The following DNAJC3 variants were observed in gnomAD, a reference collection of about 807,000 sequenced individuals.
DNAJC3 encodes DnaJ heat shock protein family (Hsp40) member C3.
A neutral mutation model predicts 68.6 loss-of-function variants in DNAJC3; 38 were observed. The ratio of observed to expected loss-of-function variants is 0.55; its 90% confidence interval spans 0.43 to 0.73. DNAJC3 has a LOEUF of 0.73. DNAJC3 is among the 30% of genes least tolerant of loss of function. DNAJC3 has a pLI of 0.00. For synonymous variants in DNAJC3, 203 were observed against 204.0 expected, an observed-to-expected ratio of 1.00 and a Z score of 0.04; for missense variants, 526 against 591.9, an observed-to-expected ratio of 0.89 and a Z score of 1.16.
chr13:95,734,140 T>A (rs567565458), intron 4 of DNAJC3, among the ~76,000 whole-genome samples: 1 of 152,356 alleles, frequency 6.6e-6, no homozygotes, highest in South Asian at 2.1e-4. Context: ...GTGAGTTTTA[T>A]ACGGTGTGTT....
rs142933580 is a variant in DNAJC3, at chr13:95,779,119, C to CTTT, written c.1076-6799_1076-6797dup. 2.1e-3 allele frequency among the ~76,000 whole-genome samples: 205 copies of CTTT among 97,848 alleles called. 1 individual carries two copies. The highest frequency in any genetic ancestry group is 3.7e-3 in the African/African-American group (83 of 22,592). The allele number at this position is 97,848 out of a possible 152,430, so 64.2% of individuals were successfully genotyped here. A position where few individuals can be genotyped will look rare whatever the true frequency, so the allele number is the denominator to read the frequency against. Reference sequence around the variant, plus strand: ...TATAATCTTTGATATTTTCTTCTTTCTTTTTTTTTTTTTTTTTTTTTTTGA... The same window carrying CTTT: ...TATAATCTTTGATATTTTCTTCTTTCTTTTTTTTTTTTTTTTTTTTTTTTTTGA... On this transcript the variant is annotated intron_variant, in intron 9 of 11. Transcript: ENST00000602402.
intron 1 of DNAJC3, among the ~76,000 whole-genome samples, chr13:95,688,678 A>G (rs1880134048): frequency 6.6e-6 from 1 of 151,814 alleles, no homozygotes; most frequent in African/African-American, 2.4e-5. Context: ...ATGCCTGGCT[A>G]CTTTTTTGCA....
intron 9 of DNAJC3, among the ~76,000 whole-genome samples, chr13:95,785,554 G>A (rs1452759923): frequency 7.4e-6 from 1 of 135,978 alleles, no homozygotes; most frequent in East Asian, 2.3e-4. Context: ...CGCCTCCCAA[G>A]TTCAAGCGGT....
At chr13:95,698,193 T>C (rs960136513) in intron 1 of DNAJC3, among the ~76,000 whole-genome samples, 3 of 152,140 alleles carry the variant, frequency 2.0e-5, no homozygotes, top group South Asian at 4.1e-4. Flanking sequence ...TTGTGTACTT[T>C]TGTTGGCAGG....
intron 1 of DNAJC3, chr13:95,692,429 A>G (rs1880297600): frequency 1.3e-5 from 2 of 152,138 alleles, no homozygotes. Context: ...GTCTAGTAGT[A>G]GGAGTTTTAT....
intron 5 of DNAJC3, among the ~76,000 whole-genome samples, chr13:95,759,103 T>TA (rs1594010558): frequency 6.6e-6 from 1 of 152,222 alleles, no homozygotes; most frequent in East Asian, 1.9e-4. Context: ...TATGCAAAGA[T>TA]ACTTCCACCA....
At chr13:95,688,272 C>G (rs1413244389) in intron 1 of DNAJC3, among the ~76,000 whole-genome samples, 3 of 152,092 alleles carry the variant, frequency 2.0e-5, no homozygotes, top group Non-Finnish European at 4.4e-5. Flanking sequence ...TTATTTCTTT[C>G]TCTTGCCTGA....
At chr13:95,693,428 A>T (rs1484610937) in intron 1 of DNAJC3, 1 of 152,132 alleles carries the variant, frequency 6.6e-6, no homozygotes, top group African/African-American at 2.4e-5. Context: ...TTCTAATAGG[A>T]CAACCCCACT....
intron 4 of DNAJC3, among the ~76,000 whole-genome samples, chr13:95,735,852 T>C (rs1881896539): frequency 6.6e-6 from 1 of 152,218 alleles, no homozygotes; most frequent in Non-Finnish European, 1.5e-5. Flanking sequence ...AATTTTGTCT[T>C]TTGTTGCCAT....
chr13:95,772,615 T>C (rs562231593), intron 9 of DNAJC3, among the ~76,000 whole-genome samples: 5 of 152,320 alleles, frequency 3.3e-5, no homozygotes, highest in African/African-American at 1.2e-4. Context: ...CCTTGATGAC[T>C]AAGGTTGTTG....
In DNAJC3 at chr13:95,758,725, A is replaced by G. The variant is rs180690896; in HGVS notation, c.546+929A>G. Reference sequence around the variant, plus strand: ...CTTGCCTCTGAAGGATTTAATGACAACTGATTTCCGAAGGAAGTCTACTGA... The same window carrying G: ...CTTGCCTCTGAAGGATTTAATGACAGCTGATTTCCGAAGGAAGTCTACTGA... On this transcript the variant is annotated intron_variant, in intron 5 of 11. Coordinates refer to ENST00000602402, the MANE Select transcript of DNAJC3 (RefSeq NM_006260.5). Among the ~76,000 whole-genome samples the G allele has an allele frequency of 1.7e-3, 255 of 152,336 alleles. 3 individuals are homozygous for G. The highest frequency in any genetic ancestry group is 0.016 in the Admixed American group (252 of 15,306).
At chr13:95,738,371 G>A (rs1298850993) in intron 4 of DNAJC3, among the ~76,000 whole-genome samples, 7 of 149,124 alleles carry the variant, frequency 4.7e-5, no homozygotes, top group African/African-American at 1.5e-4. Context: ...CAATTCCTGG[G>A]TATCCTTGTT....
At position 95,723,321 on chromosome 13, in the gene DNAJC3, T is replaced by G. The variant is rs1219646911; in HGVS notation, c.273T>G (p.Leu91=). The G allele has an allele frequency of 1.2e-6, 2 of 1,611,864 alleles. No homozygotes were observed. Among genetic ancestry groups the G allele is most frequent in the Admixed American group, 3.3e-5 (2 of 60,006 alleles). Residue 91 remains leucine, a synonymous_variant, in exon 3 of 12, where the codon CTT becomes CTG. Transcript: ENST00000602402. ...CTATGGGCAAATCAAAAGCTGCACT[T>G]CCTGATTTAACTAAAGTGATTCAAT... ...FLAMGKSKAA[L]PDLTKVIQLK... is the part of the protein sequence containing the mutation.
chr13:95,687,603 A>G (rs1030928047), intron 1 of DNAJC3, among the ~76,000 whole-genome samples: 5 of 152,154 alleles, frequency 3.3e-5, no homozygotes, highest in Admixed American at 3.3e-4. Context: ...TGGAGAATAT[A>G]ATATCGTTAA....
At chr13:95,762,584 A>G (rs1882858977) in intron 7 of DNAJC3, among the ~76,000 whole-genome samples, 1 of 152,278 alleles carries the variant, frequency 6.6e-6, no homozygotes, top group Non-Finnish European at 1.5e-5. Flanking sequence ...AAATACATCT[A>G]TTCCACTTTC....
rs1002799841 is a variant in DNAJC3, at chr13:95,786,902, C to T, written c.1209-105C>T. ...ATACCATTGGAACTATTTTATAAAA[C>T]CAGTTTTGTTAATTGCCAGTAGGAT... On this transcript the variant is annotated intron_variant, in intron 10 of 11. Coordinates refer to ENST00000602402, the MANE Select transcript of DNAJC3 (RefSeq NM_006260.5). 60 of 1,359,130 alleles carry T rather than the reference C, an allele frequency of 4.4e-5. No homozygotes were observed. In the South Asian group the frequency reaches 7.3e-4, roughly 17 times the overall value. 84.2% of individuals were successfully genotyped at this position (1,359,130 alleles called of 1,614,324 possible).
chr13:95,760,758 A>C lies in DNAJC3; in HGVS notation c.808A>C (p.Lys270Gln), dbSNP rs745597501. 1 of 1,612,696 alleles carries C rather than the reference A, an allele frequency of 6.2e-7. No individual in the cohort carries two copies. Among genetic ancestry groups the C allele is most frequent in the Non-Finnish European group, 8.5e-7 (1 of 1,179,316 alleles). ...AHYKQVKKLN[K>Q]LIESAEELIR... is the part of the protein sequence containing the mutation. ...CTATAAACAAGTAAAGAAACTTAATAAGCTGATTGAGTCAGCTGAAGAGCT... is the reference window on the plus strand; with the variant it reads ...CTATAAACAAGTAAAGAAACTTAATCAGCTGATTGAGTCAGCTGAAGAGCT... Residue 270 changes from lysine (K) to glutamine (Q), a missense_variant, in exon 7 of 12, where the codon AAG (lysine) becomes CAG (glutamine). Coordinates refer to ENST00000602402, the MANE Select transcript of DNAJC3 (RefSeq NM_006260.5).
At chr13:95,763,131 G>T (rs968577677) in intron 7 of DNAJC3, among the ~76,000 whole-genome samples, 2 of 152,182 alleles carry the variant, frequency 1.3e-5, no homozygotes, top group Non-Finnish European at 2.9e-5. Context: ...TTCTTAGAAA[G>T]CTTATACAGT....
Position 95,709,234 on chromosome 13 carries a change from A to G in DNAJC3, c.90A>G (p.Glu30=), listed in dbSNP as rs2139625439. ...VLVDLQYEGA[E]CGVNADVEKH... ...TTTTAATTTTATTTTTAGGTGCTGA[A>G]TGTGGAGTAAATGCAGATGTTGAGA... is the stretch of plus-strand genomic sequence containing the variant. Residue 30 remains glutamate, a synonymous_variant, in exon 2 of 12, where the codon GAA becomes GAG. Transcript: ENST00000602402. 2 of 1,552,384 alleles carry G rather than the reference A, an allele frequency of 1.3e-6. No homozygotes were observed. The highest frequency in any genetic ancestry group is 2.4e-5 in the East Asian group (1 of 42,298).
Sources: allele counts gnomAD v4.1 joint callset (sites outside exome capture counted in the v4.1 genomes callset), GRCh38; gene constraint gnomAD v4.1.1; transcripts MANE v1.5; gene names NCBI Gene and HGNC (gene_info 2026-07-23, HGNC 2026-07-21).